ZFHX3: variants seen among roughly 807,000 people sequenced by gnomAD.
ZFHX3 encodes the protein zinc finger homeobox protein 3.
In ZFHX3, 42 loss-of-function variants were observed where a neutral mutation model predicts 279.1. The ratio of observed to expected loss-of-function variants is 0.15; its 90% CI spans 0.12 to 0.19. The LOEUF is 0.19. ZFHX3 is among the 10% of genes least tolerant of loss of function. The probability of loss-of-function intolerance (pLI) is 1.00; values close to 1 mark genes in which losing one functional copy is unlikely to be tolerated. For missense variants in ZFHX3, 4,981 were observed against 4,754.0 expected (o/e 1.05, Z -1.40); for synonymous variants, 2,293 against 1,957.8 (o/e 1.17, Z -4.52).
intron 2 of ZFHX3, among the ~76,000 whole-genome samples, chr16:73,517,087 C>A (rs1254820609): frequency 6.6e-6 from 1 of 152,182 alleles, no homozygotes; most frequent in Non-Finnish European, 1.5e-5. Context: ...ATCCATCAGG[C>A]TGAGCGGGTC....
At chr16:73,304,430 T>G (rs887957289) in intron 4 of ZFHX3, among the ~76,000 whole-genome samples, 1 of 152,312 alleles carries the variant, frequency 6.6e-6, no homozygotes, top group South Asian at 2.1e-4. Context: ...TGTGTTTGTG[T>G]GCACGTGATC....
intron 4 of ZFHX3, chr16:73,318,091 A>C (rs2143187231): frequency 6.6e-6 from 1 of 152,334 alleles, no homozygotes; most frequent in East Asian, 1.9e-4. Flanking sequence ...TGCCAGGTAG[A>C]CTTGAGTGTC....
At chr16:72,874,493 C>T (rs750806800) in intron 4 of ZFHX3, among the ~76,000 whole-genome samples, 12 of 152,004 alleles carry the variant, frequency 7.9e-5, no homozygotes, top group African/African-American at 1.4e-4. Flanking sequence ...TGAGCCACCG[C>T]GCCTGGCCTG....
At chr16:73,081,263 T>C (rs1965941104) in intron 8 of ZFHX3, 1 of 152,076 alleles carries the variant, frequency 6.6e-6, no homozygotes, top group Middle Eastern at 3.1e-3. Context: ...TTCTTTTTTT[T>C]TTTTTTGAGA....
chr16:72,876,938 G>A (rs567913215), intron 4 of ZFHX3, among the ~76,000 whole-genome samples: 131 of 152,284 alleles, frequency 8.6e-4, no homozygotes, highest in South Asian at 1.5e-3. Context: ...GAGACTTGGC[G>A]GGGGAGAAAG....
chr16:73,228,034 A>T (rs1167156558), intron 5 of ZFHX3, among the ~76,000 whole-genome samples: 1 of 152,122 alleles, frequency 6.6e-6, no homozygotes. Flanking sequence ...CATTTTAAAG[A>T]TAAGGAGAAT....
At chr16:73,711,193 T>C (rs926641842) in intron 1 of ZFHX3, among the ~76,000 whole-genome samples, 1 of 152,180 alleles carries the variant, frequency 6.6e-6, no homozygotes, top group Admixed American at 6.5e-5. Context: ...CTGATATTTA[T>C]GTATATGGGT....
At chr16:73,206,532 A>G (rs1478817182) in intron 5 of ZFHX3, among the ~76,000 whole-genome samples, 1 of 152,192 alleles carries the variant, frequency 6.6e-6, no homozygotes, top group Non-Finnish European at 1.5e-5. Context: ...TGGTTACATC[A>G]TAGTAAGATT....
At chr16:73,683,575 C>T (rs1174175826) in intron 1 of ZFHX3, among the ~76,000 whole-genome samples, 1 of 152,026 alleles carries the variant, frequency 6.6e-6, no homozygotes, top group Admixed American at 6.6e-5. Flanking sequence ...GAGTTTCTCT[C>T]TTGTTGCCAA....
intron 2 of ZFHX3, among the ~76,000 whole-genome samples, chr16:73,633,170 A>G (rs1296247404): frequency 6.6e-6 from 1 of 152,270 alleles, no homozygotes; most frequent in African/African-American, 2.4e-5. Context: ...ACAACAAAGA[A>G]AAGTGTTTTC....
In ZFHX3 at chr16:72,940,856, G is replaced by GA. The variant is rs1342373715; in HGVS notation, c.3216+9612dup. 5.9e-5 allele frequency among the ~76,000 whole-genome samples: 9 copies of GA among 152,346 alleles called. No individual in the cohort carries two copies. In the South Asian group the frequency reaches 1.7e-3, roughly 28 times the overall value. Reference sequence around the variant, plus strand: ...CCTTCTAACTAGTTTGCCTTTTACAGAACCAGGAGGGGGACCCTAGAGAAC... The same window carrying GA: ...CCTTCTAACTAGTTTGCCTTTTACAGAAACCAGGAGGGGGACCCTAGAGAAC... On this transcript the variant is annotated intron_variant, in intron 3 of 9. Coordinates refer to ENST00000268489, the MANE Select transcript of ZFHX3 (RefSeq NM_006885.4).
At chr16:72,920,035 C>T (rs2039543927) in intron 3 of ZFHX3, among the ~76,000 whole-genome samples, 1 of 151,568 alleles carries the variant, frequency 6.6e-6, no homozygotes, top group Non-Finnish European at 1.5e-5. Flanking sequence ...CCTTGTGATT[C>T]ACCCGCCTTG....
At chr16:73,096,600 T>C (rs1966167240) in intron 7 of ZFHX3, among the ~76,000 whole-genome samples, 1 of 151,366 alleles carries the variant, frequency 6.6e-6, no homozygotes, top group South Asian at 2.1e-4. Context: ...GAGACGGGGT[T>C]TCACCTTTTG....
At chr16:73,686,996 A>T (rs1238622608) in intron 1 of ZFHX3, among the ~76,000 whole-genome samples, 2 of 128,230 alleles carry the variant, frequency 1.6e-5, no homozygotes, top group Non-Finnish European at 3.3e-5. Flanking sequence ...GAGAATATAT[A>T]TATATTTGCA....
chr16:73,819,561 A>G (rs529458063), intron 1 of ZFHX3, among the ~76,000 whole-genome samples: 4 of 152,242 alleles, frequency 2.6e-5, no homozygotes, highest in African/African-American at 4.8e-5. Flanking sequence ...GTGGTCTAAT[A>G]TTGAACAATG....
At chr16:73,490,513 G>A (rs912575735) in intron 2 of ZFHX3, among the ~76,000 whole-genome samples, 3 of 152,138 alleles carry the variant, frequency 2.0e-5, no homozygotes, top group African/African-American at 7.2e-5. Flanking sequence ...TTTCACTGAC[G>A]CAACCCCATT....
chr16:73,230,287 A>G (rs562870509), intron 5 of ZFHX3, among the ~76,000 whole-genome samples: 1 of 152,246 alleles, frequency 6.6e-6, no homozygotes, highest in African/African-American at 2.4e-5. Flanking sequence ...ATTGTACCCA[A>G]CTGGAATGGA....
intron 2 of ZFHX3, among the ~76,000 whole-genome samples, chr16:73,531,469 C>G (rs1009061892): frequency 2.0e-5 from 3 of 151,932 alleles, no homozygotes; most frequent in African/African-American, 7.3e-5. Context: ...AATTACAGCA[C>G]TTTAGGAGGA....
intron 2 of ZFHX3, among the ~76,000 whole-genome samples, chr16:73,468,265 C>A (rs1030064786): frequency 6.6e-6 from 1 of 152,102 alleles, no homozygotes; most frequent in Non-Finnish European, 1.5e-5. Context: ...GATGACTGTC[C>A]CCATCTTCCA....
Sources: gnomAD v4.1 joint callset for allele counts (sites outside exome capture counted in the v4.1 genomes callset) on GRCh38, gnomAD v4.1.1 for gene constraint, MANE v1.5 for transcripts, NCBI Gene and HGNC (gene_info 2026-07-23, HGNC 2026-07-21) for gene names.